The following CSMD1 variants were observed in gnomAD, a reference collection of about 807,000 sequenced individuals.
The protein encoded by CSMD1 is CUB and Sushi multiple domains 1, also known as CUB and sushi domain-containing protein 1.
In CSMD1, 213 loss-of-function variants were observed where a neutral mutation model predicts 417.5. The observed-to-expected ratio is 0.51, with a 90% CI of 0.46 to 0.57. The LOEUF (loss-of-function observed/expected upper bound fraction) is 0.57, where lower values mean the gene tolerates loss of function less well. CSMD1 is among the 20% of genes least tolerant of loss of function. The pLI is 0.00. For missense variants in CSMD1, 6,923 were observed against 4,529.7 expected (o/e 1.53, Z -15.17); for synonymous variants, 2,862 against 1,736.8 (o/e 1.65, Z -16.11).
intron 3 of CSMD1, among the ~76,000 whole-genome samples, chr8:4,419,026 C>G (rs1357122380): frequency 6.6e-6 from 1 of 152,182 alleles, no homozygotes; most frequent in African/African-American, 2.4e-5. Flanking sequence ...TTTGCACAAA[C>G]CACGTGTATA....
intron 7 of CSMD1, among the ~76,000 whole-genome samples, chr8:3,649,402 A>G (rs963119220): frequency 6.6e-6 from 1 of 152,194 alleles, no homozygotes; most frequent in Non-Finnish European, 1.5e-5. Context: ...GTTCGTTTTC[A>G]CACTGCTATA....
At chr8:3,985,009 T>C (rs1195599488) in intron 5 of CSMD1, among the ~76,000 whole-genome samples, 1 of 152,116 alleles carries the variant, frequency 6.6e-6, no homozygotes. Flanking sequence ...AAATCACGGA[T>C]CTCATAAGGT....
intron 50 of CSMD1, among the ~76,000 whole-genome samples, chr8:3,044,006 G>A (rs1811278627): frequency 6.6e-6 from 1 of 151,792 alleles, no homozygotes; most frequent in Admixed American, 6.6e-5. Context: ...TACTTCAGGG[G>A]AAAAAAAAGC....
At chr8:4,040,708 A>G (rs1797843342) in intron 3 of CSMD1, among the ~76,000 whole-genome samples, 1 of 152,326 alleles carries the variant, frequency 6.6e-6, no homozygotes, top group South Asian at 2.1e-4. Context: ...TATAATAGCA[A>G]AAACACTGCA....
intron 26 of CSMD1, among the ~76,000 whole-genome samples, chr8:3,235,843 A>G (rs1042970329): frequency 6.6e-6 from 1 of 151,840 alleles, no homozygotes; most frequent in African/African-American, 2.4e-5. Context: ...TGTGAAGTTC[A>G]TGTTGTCTAA....
At chr8:3,083,640 ATATATATATTTTTTTTTTTTTTTTT>A (rs1814294902) in intron 49 of CSMD1, among the ~76,000 whole-genome samples, 2 of 22,230 alleles carry the variant, frequency 9.0e-5, no homozygotes, top group Non-Finnish European at 1.5e-4. Context: ...ATATATATAT[ATATATATATTTTTTTTTTTTTTTTT>A]TTTTTTTTTT....
intron 7 of CSMD1, among the ~76,000 whole-genome samples, chr8:3,653,161 T>C (rs558084736): frequency 1.8e-3 from 276 of 151,990 alleles, no homozygotes; most frequent in Admixed American, 3.1e-3. Context: ...AAGTTGCATA[T>C]ATTTTTAAAT....
At chr8:2,993,981 T>TG (rs1554482551) in intron 54 of CSMD1, among the ~76,000 whole-genome samples, 2 of 118,548 alleles carry the variant, frequency 1.7e-5, no homozygotes, top group African/African-American at 5.9e-5. Flanking sequence ...CCATCCCTAC[T>TG]AAAAAAAAAA....
intron 5 of CSMD1, among the ~76,000 whole-genome samples, chr8:3,799,529 A>C (rs900790825): frequency 2.0e-5 from 3 of 151,324 alleles, no homozygotes; most frequent in Admixed American, 6.6e-5. Context: ...CATTAGGTAA[A>C]ATGGATGATC....
At chr8:3,445,000 G>A (rs1011270304) in intron 12 of CSMD1, among the ~76,000 whole-genome samples, 1 of 152,134 alleles carries the variant, frequency 6.6e-6, no homozygotes, top group African/African-American at 2.4e-5. Context: ...ACCTGTCCAA[G>A]CCTCTTTATC....
chr8:4,923,527 C>CAT (rs35731563), intron 1 of CSMD1, among the ~76,000 whole-genome samples: 45,883 of 151,196 alleles, frequency 0.3, 7,559 homozygotes, highest in Middle Eastern at 0.43. Context: ...CATATATATT[C>CAT]ATATATATAT....
chr8:4,405,655 C>G (rs995192074), intron 3 of CSMD1, among the ~76,000 whole-genome samples: 2 of 152,178 alleles, frequency 1.3e-5, no homozygotes, highest in Admixed American at 6.5e-5. Flanking sequence ...GCATTATCCT[C>G]GCATGAGACA....
intron 6 of CSMD1, among the ~76,000 whole-genome samples, chr8:3,751,243 C>A (rs918733996): frequency 6.6e-6 from 1 of 150,678 alleles, no homozygotes. Context: ...ACCTTTTGAC[C>A]GTTTTAGAAT....
At chr8:4,011,202 G>C (rs1242047055) in intron 4 of CSMD1, among the ~76,000 whole-genome samples, 2 of 152,180 alleles carry the variant, frequency 1.3e-5, no homozygotes, top group African/African-American at 4.8e-5. Flanking sequence ...GGGTACACCT[G>C]TTTGTGTTCT....
At chr8:3,098,146 G>C (rs1380849460) in intron 46 of CSMD1, among the ~76,000 whole-genome samples, 2 of 152,078 alleles carry the variant, frequency 1.3e-5, no homozygotes, top group Non-Finnish European at 2.9e-5. Context: ...TCTATTACTG[G>C]TAATGGTTCA....
chr8:4,886,472 G>A (rs1347964319), intron 1 of CSMD1, among the ~76,000 whole-genome samples: 2 of 151,930 alleles, frequency 1.3e-5, no homozygotes, highest in East Asian at 3.9e-4. Flanking sequence ...TCTTTATGAT[G>A]TCTTTTTAGT....
In CSMD1 at chr8:3,157,909, G is replaced by A; in HGVS notation, c.5902C>T (p.Pro1968Ser). 1.3e-6 allele frequency: 2 copies of A among 1,554,196 alleles called. No homozygotes were observed. Among genetic ancestry groups the A allele is most frequent in the South Asian group, 1.2e-5 (1 of 84,100 alleles). ...GTVRRWNYPS[P>S]LCIATCGGTL... The stretch of plus-strand genomic sequence containing the variant: ...GGTGCATCCTTACCAATGCACAGGG[G>A]AGACGGATAGTTCCAACGGCGAACG... Residue 1968 changes from proline to serine, a missense_variant, in exon 39 of 70, where the codon CCC becomes TCC. By Grantham distance (74) the Pro-to-Ser change is moderately conservative. Transcript: ENST00000635120.
Position 4,050,008 on chromosome 8 carries a change from T to C in CSMD1, c.416-17909A>G, listed in dbSNP as rs565270554. On this transcript the variant is annotated intron_variant, in intron 3 of 69. Coordinates refer to ENST00000635120, the MANE Select transcript of CSMD1 (RefSeq NM_033225.6). ...CGGACCTCCCTTGTTTTAAGGGCCT[T>C]GATGGTTTTCAGAAGTTGCGGCCAG... is the stretch of plus-strand genomic sequence containing the variant. Among the ~76,000 whole-genome samples, 11 of 152,296 alleles carry C rather than the reference T, an allele frequency of 7.2e-5. No individual in the cohort carries two copies. The East Asian group carries it at 2.1e-3, about 29-fold the overall frequency.
At chr8:3,878,258 C>A (rs1178176418) in intron 5 of CSMD1, among the ~76,000 whole-genome samples, 2 of 152,110 alleles carry the variant, frequency 1.3e-5, no homozygotes, top group Admixed American at 6.6e-5. Context: ...AGATTATATA[C>A]AATTTCCAGG....
Sources: allele counts gnomAD v4.1 joint callset (sites outside exome capture counted in the v4.1 genomes callset), GRCh38; gene constraint gnomAD v4.1.1; transcripts MANE v1.5; gene names NCBI Gene and HGNC (gene_info 2026-07-23, HGNC 2026-07-21).